Variants in KIAA1217 observed in about 807,000 individuals in gnomAD.
KIAA1217 encodes sickle tail protein homolog.
In KIAA1217, 88 loss-of-function variants were observed where a neutral mutation model predicts 163.9. The ratio of observed to expected loss-of-function variants is 0.54; its 90% CI spans 0.45 to 0.64. KIAA1217 has a LOEUF of 0.64. Among genes scored for constraint, KIAA1217 ranks in the 30% least tolerant of loss-of-function variants. The pLI, the probability that KIAA1217 is intolerant of heterozygous loss-of-function variation, is 0.00. For synonymous variants in KIAA1217, 903 were observed against 923.1 expected (o/e 0.98, Z 0.39); for missense variants, 2,372 against 2,475.0 (o/e 0.96, Z 0.88).
At chr10:24,501,835 G>A (rs1403939622) in intron 9 of KIAA1217, among the ~76,000 whole-genome samples, 10 of 134,042 alleles carry the variant, frequency 7.5e-5, no homozygotes, top group Non-Finnish European at 1.4e-4. Flanking sequence ...TGCAAGCTCC[G>A]TCTCCCGGGT....
chr10:24,031,449 G>A (rs562143537), intron 2 of KIAA1217, among the ~76,000 whole-genome samples: 2 of 152,000 alleles, frequency 1.3e-5, no homozygotes, highest in Non-Finnish European at 2.9e-5. Flanking sequence ...CGCAGCATAT[G>A]CCACCACATC....
intron 6 of KIAA1217, among the ~76,000 whole-genome samples, chr10:24,488,728 C>G (rs1050348216): frequency 6.6e-6 from 1 of 152,040 alleles, no homozygotes; most frequent in Non-Finnish European, 1.5e-5. Context: ...TCTTTAATTA[C>G]TTTGGGTTTT....
chr10:24,190,413 C>T (rs1227227558), intron 2 of KIAA1217, among the ~76,000 whole-genome samples: 1 of 152,188 alleles, frequency 6.6e-6, no homozygotes, highest in Non-Finnish European at 1.5e-5. Context: ...CTTCGAAAGC[C>T]TGAACTTCCC....
At chr10:23,765,649 G>A (rs1227971393) in intron 1 of KIAA1217, among the ~76,000 whole-genome samples, 1 of 152,096 alleles carries the variant, frequency 6.6e-6, no homozygotes, top group Non-Finnish European at 1.5e-5. Flanking sequence ...TCTCATGACC[G>A]TGAGTGAGTT....
At chr10:24,211,816 T>A (rs1203220122) in intron 1 of KIAA1217, among the ~76,000 whole-genome samples, 1 of 151,734 alleles carries the variant, frequency 6.6e-6, no homozygotes, top group Non-Finnish European at 1.5e-5. Context: ...AGCCAGCAGA[T>A]TCTAGGTGTA....
At chr10:24,036,262 C>T (rs1848394477) in intron 2 of KIAA1217, among the ~76,000 whole-genome samples, 1 of 152,214 alleles carries the variant, frequency 6.6e-6, no homozygotes, top group South Asian at 2.1e-4. Context: ...CGGTAGTGTT[C>T]TCTCTCTTTG....
At chr10:23,869,987 A>G (rs142461171) in intron 1 of KIAA1217, among the ~76,000 whole-genome samples, 1,764 of 152,306 alleles carry the variant, frequency 0.012, 35 homozygotes, top group African/African-American at 0.04. Flanking sequence ...TGTTGAAGCA[A>G]CGTTAAGCCC....
At chr10:24,345,265 T>G (rs928764387) in intron 2 of KIAA1217, among the ~76,000 whole-genome samples, 7 of 152,230 alleles carry the variant, frequency 4.6e-5, no homozygotes, top group Non-Finnish European at 1.0e-4. Context: ...TAGGGACAGC[T>G]GTAGTGCTTG....
chr10:24,124,900 G>A (rs1400343440), intron 2 of KIAA1217, among the ~76,000 whole-genome samples: 1 of 152,122 alleles, frequency 6.6e-6, no homozygotes, highest in Non-Finnish European at 1.5e-5. Flanking sequence ...CTCATAGGAT[G>A]AGTTAGGAAA....
At position 24,533,114 on chromosome 10, in the gene KIAA1217, A is replaced by G; in HGVS notation, c.3291A>G (p.Thr1097=). The G allele has an allele frequency of 6.2e-7, 1 of 1,613,916 alleles. No homozygotes were observed. The highest frequency in any genetic ancestry group is 8.5e-7 in the Non-Finnish European group (1 of 1,179,952). ...DAGPSPQTRA[T]KYPAEEPASA... is the part of the protein sequence containing the mutation. ...GACCAAGCCCACAGACCAGAGCTACAAAATATCCAGCAGAGGAGCCTGCTT... is the reference window on the plus strand; with the variant it reads ...GACCAAGCCCACAGACCAGAGCTACGAAATATCCAGCAGAGGAGCCTGCTT... Residue 1097 remains threonine (T), a synonymous_variant, in exon 16 of 21, where the codon ACA becomes ACG. Transcript: ENST00000376454.
intron 2 of KIAA1217, among the ~76,000 whole-genome samples, chr10:24,134,371 T>G (rs755885644): frequency 6.6e-6 from 1 of 152,124 alleles, no homozygotes; most frequent in African/African-American, 2.4e-5. Context: ...TAATTAAAAT[T>G]AAGGTAGAAA....
At chr10:24,322,203 C>CT (rs929119201) in intron 2 of KIAA1217, among the ~76,000 whole-genome samples, 21 of 152,182 alleles carry the variant, frequency 1.4e-4, no homozygotes, top group Non-Finnish European at 3.1e-4. Context: ...ATCCACCCGC[C>CT]TCAGCCTCCC....
At chr10:24,148,456 G>A (rs2064442856) in intron 2 of KIAA1217, among the ~76,000 whole-genome samples, 1 of 152,172 alleles carries the variant, frequency 6.6e-6, no homozygotes. Context: ...TGGAGGTGGG[G>A]CCTGGTGGGA....
intron 2 of KIAA1217, among the ~76,000 whole-genome samples, chr10:24,154,327 T>C (rs1247571571): frequency 6.6e-6 from 1 of 152,006 alleles, no homozygotes; most frequent in Non-Finnish European, 1.5e-5. Context: ...CTCAGGAGGC[T>C]GAGGTATGAG....
intron 2 of KIAA1217, among the ~76,000 whole-genome samples, chr10:24,163,410 T>C (rs897124782): frequency 6.6e-6 from 1 of 152,228 alleles, no homozygotes. Flanking sequence ...TCTTCATTCA[T>C]ATATCTTAAT....
At chr10:24,529,647 C>G (rs1167915171) in intron 14 of KIAA1217, among the ~76,000 whole-genome samples, 2 of 152,036 alleles carry the variant, frequency 1.3e-5, no homozygotes, top group South Asian at 4.2e-4. Flanking sequence ...TCAGTCTGTG[C>G]TAAGAGGCTT....
At chr10:24,222,958 T>A (rs1417375709) in intron 2 of KIAA1217, among the ~76,000 whole-genome samples, 1 of 152,204 alleles carries the variant, frequency 6.6e-6, no homozygotes, top group African/African-American at 2.4e-5. Flanking sequence ...TTTTAGACCA[T>A]ATAGGATAAT....
chr10:23,932,918 C>T (rs866041322), intron 1 of KIAA1217, among the ~76,000 whole-genome samples: 1 of 152,068 alleles, frequency 6.6e-6, no homozygotes, highest in Non-Finnish European at 1.5e-5. Flanking sequence ...AAATTGGAAC[C>T]ATATGTAAGG....
chr10:24,527,546 C>T (rs2072393601), intron 13 of KIAA1217, among the ~76,000 whole-genome samples: 3 of 151,330 alleles, frequency 2.0e-5, no homozygotes, highest in Admixed American at 1.3e-4. Flanking sequence ...CATGTGTAAT[C>T]CTAGTTACTC....
Sources: gnomAD v4.1 joint callset for allele counts (sites outside exome capture counted in the v4.1 genomes callset) on GRCh38, gnomAD v4.1.1 for gene constraint, MANE v1.5 for transcripts, NCBI Gene and HGNC (gene_info 2026-07-23, HGNC 2026-07-21) for gene names.